The following CNDP1 variants were observed in gnomAD, a reference collection of about 807,000 sequenced individuals.
CNDP1 encodes carnosine dipeptidase 1.
A neutral mutation model predicts 58.1 loss-of-function variants in CNDP1; 44 were observed. The observed-to-expected ratio is 0.76, with a 90% CI of 0.60 to 0.97. CNDP1 has a LOEUF of 0.97. Among genes scored for constraint, CNDP1 ranks in the 50% least tolerant of loss-of-function variants. CNDP1 has a pLI of 0.00. For synonymous variants in CNDP1, 254 were observed against 252.6 expected (o/e 1.01, Z -0.05); for missense variants, 616 against 655.1 (o/e 0.94, Z 0.65).
intron 9 of CNDP1, among the ~76,000 whole-genome samples, chr18:74,579,689 T>C (rs1599103384): frequency 6.6e-6 from 1 of 152,118 alleles, no homozygotes; most frequent in African/African-American, 2.4e-5. Flanking sequence ...GTCTTGGAAA[T>C]TTCCCAAATA....
intron 5 of CNDP1, 106 bp from the exon 6 acceptor site, chr18:74,567,127 A>C: frequency 3.4e-6 from 3 of 889,444 alleles, no homozygotes; most frequent in Non-Finnish European, 3.7e-6. Flanking sequence ...GTCCCTCCAC[A>C]ACACGTGGGA....
At chr18:74,573,833 C>A (rs1241796490) in intron 7 of CNDP1, among the ~76,000 whole-genome samples, 2 of 152,186 alleles carry the variant, frequency 1.3e-5, no homozygotes, top group Non-Finnish European at 2.9e-5. Flanking sequence ...AAGGAAGAGT[C>A]GGCTCGGGCT....
At chr18:74,551,932 C>A (rs1024016811) in intron 1 of CNDP1, among the ~76,000 whole-genome samples, 6 of 150,090 alleles carry the variant, frequency 4.0e-5, no homozygotes, top group African/African-American at 7.4e-5. Flanking sequence ...AAAAAAAAAA[C>A]CAGTAGCCAC....
chr18:74,580,522 G>C (rs1012339697), intron 10 of CNDP1, among the ~76,000 whole-genome samples: 1 of 152,174 alleles, frequency 6.6e-6, no homozygotes, highest in Non-Finnish European at 1.5e-5. Context: ...TTTGCCAAAG[G>C]GTGCCCAGCT....
Position 74,544,626 on chromosome 18 carries a change from G to C in CNDP1, c.24+9935G>C, listed in dbSNP as rs541783423. On this transcript the variant is annotated intron_variant, in intron 1 of 11. Transcript: ENST00000358821. ...CCAGCTACTTGGGAGGCTGAGGCAA[G>C]AAAAATCACTTGAACCCGGGAGGTG... Among the ~76,000 whole-genome samples, 5 of 132,270 alleles carry C rather than the reference G, an allele frequency of 3.8e-5. No individual in the cohort carries two copies. The South Asian group carries it at 1.3e-3, about 33-fold the overall frequency. 86.8% of individuals were successfully genotyped at this position (132,270 alleles called of 152,430 possible).
chr18:74,572,549 A>G (rs2144666398), intron 7 of CNDP1, among the ~76,000 whole-genome samples: 1 of 152,180 alleles, frequency 6.6e-6, no homozygotes, highest in South Asian at 2.1e-4. Context: ...GCACTTTGGG[A>G]GGCCAAGGTG....
Position 74,559,446 on chromosome 18 carries a change from G to A in CNDP1, c.277G>A (p.Ala93Thr). 1 of 1,610,730 alleles carries A rather than the reference G, an allele frequency of 6.2e-7. No individual in the cohort carries two copies. The highest frequency in any genetic ancestry group is 1.1e-5 in the South Asian group (1 of 91,056). The change falls in exon 3 of 12, where the codon GCC becomes ACC. Residue 93 changes from alanine to threonine, a missense_variant. By Grantham distance (58) the Ala-to-Thr change is moderately conservative. Coordinates refer to ENST00000358821, the MANE Select transcript of CNDP1 (RefSeq NM_032649.6). ...GCTGCAGCGCCTGGGGGCCCGTGTG[G>A]CCTCGGTGGACATGGGTCCTCAGCA... is the stretch of plus-strand genomic sequence containing the variant. ...DTLQRLGARV[A>T]SVDMGPQQLP...
chr18:74,534,772 A>G lies in CNDP1; in HGVS notation c.24+81A>G, dbSNP rs959872787. On this transcript the variant is annotated intron_variant, in intron 1 of 11. Transcript: ENST00000358821. ...TCCCGGGAGCATGTGCGTTAAGCCCAGTTGGGCAGGGCAGGCACCCAGCGT... is the reference window on the plus strand; with the variant it reads ...TCCCGGGAGCATGTGCGTTAAGCCCGGTTGGGCAGGGCAGGCACCCAGCGT... 7 of 1,556,316 alleles carry G rather than the reference A, an allele frequency of 4.5e-6. No homozygotes were observed. The East Asian group carries it at 1.1e-4, about 25-fold the overall frequency.
At chr18:74,536,292 C>G (rs562123074) in intron 1 of CNDP1, among the ~76,000 whole-genome samples, 3 of 152,270 alleles carry the variant, frequency 2.0e-5, no homozygotes. Flanking sequence ...TCTCCCTCCT[C>G]CCGTCCTCCA....
chr18:74,556,751 T>G (rs1346422359), intron 2 of CNDP1, among the ~76,000 whole-genome samples: 1 of 152,206 alleles, frequency 6.6e-6, no homozygotes, highest in Non-Finnish European at 1.5e-5. Flanking sequence ...AGCTCAAGTC[T>G]GCCCTGGTCC....
In CNDP1 at chr18:74,578,254, T is replaced by C. The variant is rs772013922; in HGVS notation, c.1094T>C (p.Ile365Thr). ...GATGAGCCTGGAACTAAAACAGTCA[T>C]ACCTGGCCGAGTTATAGGAAAATTT... Reference protein sequence around the residue: ...AFDEPGTKTVIPGRVIGKFSI... With the variant: ...AFDEPGTKTVTPGRVIGKFSI... The change falls in exon 9 of 12, where the codon ATA becomes ACA. Residue 365 changes from isoleucine to threonine, a missense_variant. By Grantham distance (89) the Ile-to-Thr change is moderately conservative. Transcript: ENST00000358821. The C allele has an allele frequency of 3.1e-6, 5 of 1,614,090 alleles. No homozygotes were observed. Among genetic ancestry groups the C allele is most frequent in the Non-Finnish European group, 4.2e-6 (5 of 1,179,998 alleles).
At chr18:74,535,626 T>TG (rs1182179236) in intron 1 of CNDP1, among the ~76,000 whole-genome samples, 1 of 124,308 alleles carries the variant, frequency 8.0e-6, no homozygotes, top group African/African-American at 3.0e-5. Context: ...GGCATTGGGG[T>TG]GGGGGTTAGA....
chr18:74,584,491 C>G lies in CNDP1; in HGVS notation c.1458-5C>G. 2 of 1,607,190 alleles carry G rather than the reference C, an allele frequency of 1.2e-6. No homozygotes were observed. The highest frequency in any genetic ancestry group is 1.7e-6 in the Non-Finnish European group (2 of 1,173,852). ...AAAATTTCTCTTTGTTTTTCCTCTTCTTAGGTGGAACTACATAGAGGGAAC... is the reference window on the plus strand; with the variant it reads ...AAAATTTCTCTTTGTTTTTCCTCTTGTTAGGTGGAACTACATAGAGGGAAC... On this transcript the variant is annotated splice_polypyrimidine_tract_variant and splice_region_variant and intron_variant, in intron 11 of 11. Coordinates refer to ENST00000358821, the MANE Select transcript of CNDP1 (RefSeq NM_032649.6).
chr18:74,567,088 GC>G lies in CNDP1; in HGVS notation c.556-140del, dbSNP rs529170666. The G allele has an allele frequency of 1.2e-3, 815 of 654,220 alleles. 5 individuals carry two copies. The African/African-American group carries it at 0.013, about 10-fold the overall frequency. The allele number at this position is 654,220 out of a possible 1,614,324, so 40.5% of individuals were successfully genotyped here. A position where few individuals can be genotyped will look rare whatever the true frequency, so the allele number is the denominator to read the frequency against. On this transcript the variant is annotated intron_variant, in intron 5 of 11. Transcript: ENST00000358821. ...CACGAGAATAGCACAGGAAAGACTG[GC>G]CCCCATGATTCAATTACCTCCCCCT...
intron 7 of CNDP1, 137 bp downstream of exon 7, chr18:74,571,407 G>A (rs1179189782): frequency 1.5e-5 from 9 of 606,750 alleles, no homozygotes; most frequent in East Asian, 8.3e-5. Flanking sequence ...TCCTCCCCTT[G>A]GCAAACTGTT....
chr18:74,575,719 T>A (rs1447496373), intron 7 of CNDP1, among the ~76,000 whole-genome samples: 1 of 151,792 alleles, frequency 6.6e-6, no homozygotes, highest in African/African-American at 2.4e-5. Context: ...TTTATTATAA[T>A]ATACTCTGTG....
chr18:74,560,071 G>A (rs1002673347), intron 3 of CNDP1, among the ~76,000 whole-genome samples: 45 of 143,558 alleles, frequency 3.1e-4, no homozygotes, highest in Non-Finnish European at 4.8e-4. Flanking sequence ...GTGCAGTGGT[G>A]CAATCTCAGC....
chr18:74,544,467 A>C (rs532418842), intron 1 of CNDP1, among the ~76,000 whole-genome samples: 1 of 152,270 alleles, frequency 6.6e-6, no homozygotes, highest in Admixed American at 6.5e-5. Context: ...CTGTAATCCC[A>C]GCACTTTGGG....
chr18:74,561,043 T>C lies in CNDP1; in HGVS notation c.466+25T>C, dbSNP rs199986950. On this transcript the variant is annotated intron_variant, in intron 4 of 11. Coordinates refer to ENST00000358821, the MANE Select transcript of CNDP1 (RefSeq NM_032649.6). Reference sequence around the variant, plus strand: ...GGTCAGTGAGGCGCCCGGGCTACAGTGCGGTGCTGCTGTGCTTGCAAGATT... The same window carrying C: ...GGTCAGTGAGGCGCCCGGGCTACAGCGCGGTGCTGCTGTGCTTGCAAGATT... 78 of 1,604,282 alleles carry C rather than the reference T, an allele frequency of 4.9e-5. No individual in the cohort carries two copies. The African/African-American group carries it at 7.1e-4, about 15-fold the overall frequency.
Sources: allele counts gnomAD v4.1 joint callset (sites outside exome capture counted in the v4.1 genomes callset), GRCh38; gene constraint gnomAD v4.1.1; transcripts MANE v1.5; gene names NCBI Gene and HGNC (gene_info 2026-07-23, HGNC 2026-07-21).